CABLES1: variants seen among roughly 807,000 people sequenced by gnomAD.
CABLES1 encodes CDK5 and ABL1 enzyme substrate 1.
Under a neutral mutation model 57.8 loss-of-function variants are expected in CABLES1, and 36 were observed. That is an observed-to-expected ratio of 0.62 (90% CI 0.48 to 0.82). CABLES1 has a LOEUF of 0.82. Among genes scored for constraint, CABLES1 ranks in the 40% least tolerant of loss-of-function variants. CABLES1 has a pLI of 0.00. For missense variants in CABLES1, 767 were observed against 836.6 expected (o/e 0.92, Z 1.03); for synonymous variants, 374 against 363.0 (o/e 1.03, Z -0.35).
chr18:23,204,968 A>T (rs1169333117), intron 3 of CABLES1, among the ~76,000 whole-genome samples: 1 of 152,210 alleles, frequency 6.6e-6, no homozygotes, highest in African/African-American at 2.4e-5. Flanking sequence ...GCCAAACCCT[A>T]TCGGCAGTTC....
At chr18:23,147,520 T>C (rs567243125) in intron 1 of CABLES1, among the ~76,000 whole-genome samples, 1 of 152,264 alleles carries the variant, frequency 6.6e-6, no homozygotes, top group South Asian at 2.1e-4. Context: ...CACCTTACAC[T>C]GTCCAAGAAG....
chr18:23,240,112 T>C (rs1598853224), intron 7 of CABLES1, among the ~76,000 whole-genome samples: 1 of 152,136 alleles, frequency 6.6e-6, no homozygotes, highest in Non-Finnish European at 1.5e-5. Context: ...AGCAAGACCC[T>C]GTCTCAACAA....
At chr18:23,174,309 A>C (rs145228088) in intron 1 of CABLES1, among the ~76,000 whole-genome samples, 1 of 152,184 alleles carries the variant, frequency 6.6e-6, no homozygotes, top group Non-Finnish European at 1.5e-5. Flanking sequence ...TGGCAGAATA[A>C]TACTGCATTT....
At chr18:23,220,042 G>A (rs186240136) in intron 4 of CABLES1, among the ~76,000 whole-genome samples, 12 of 152,180 alleles carry the variant, frequency 7.9e-5, no homozygotes, top group South Asian at 6.2e-4. Context: ...GTTTGGGGTC[G>A]TTTTGCATGC....
chr18:23,211,759 C>T (rs2047406629), intron 3 of CABLES1, among the ~76,000 whole-genome samples: 2 of 152,258 alleles, frequency 1.3e-5, no homozygotes, highest in African/African-American at 4.8e-5. Flanking sequence ...CGTGCCTCAT[C>T]AGTTAAAGCA....
At chr18:23,232,403 G>A (rs553543587) in intron 4 of CABLES1, among the ~76,000 whole-genome samples, 1 of 152,358 alleles carries the variant, frequency 6.6e-6, no homozygotes, top group East Asian at 1.9e-4. Context: ...TTTTTGTCCT[G>A]CTCTGCATGT....
Position 23,235,905 on chromosome 18 carries a change from A to G in CABLES1, c.1196A>G (p.Tyr399Cys). The G allele has an allele frequency of 6.2e-7, 1 of 1,614,186 alleles. No individual in the cohort carries two copies. The highest frequency in any genetic ancestry group is 8.5e-7 in the Non-Finnish European group (1 of 1,180,006). Residue 399 changes from tyrosine (Y) to cysteine (C), a missense_variant, in exon 6 of 10, where the codon TAT becomes TGT. Transcript: ENST00000256925. Reference sequence around the variant, plus strand: ...GTCTTCACCTTTTAGACTGTTTCCTATACCCAATTTCTGTTACCCACAAAT... The same window carrying G: ...GTCTTCACCTTTTAGACTGTTTCCTGTACCCAATTTCTGTTACCCACAAAT... Reference protein sequence around the residue: ...ELGADGKTVSYTQFLLPTNAF... With the variant: ...ELGADGKTVSCTQFLLPTNAF...
At position 23,255,242 on chromosome 18, in the gene CABLES1, C is replaced by T. The variant is rs142019082; in HGVS notation, c.1761+1306C>T. On this transcript the variant is annotated intron_variant, in intron 9 of 9. Coordinates refer to ENST00000256925, the MANE Select transcript of CABLES1 (RefSeq NM_001100619.3). ...TTTGGCTAACCCTGGGAAGGGCAGTCCCTCTAGAGTCAGCAAGGCCCCAGA... is the reference window on the plus strand; with the variant it reads ...TTTGGCTAACCCTGGGAAGGGCAGTTCCTCTAGAGTCAGCAAGGCCCCAGA... Among the ~76,000 whole-genome samples, 530 of 152,122 alleles carry T rather than the reference C, an allele frequency of 3.5e-3. 4 individuals are homozygous for T. Among genetic ancestry groups the T allele is most frequent in the African/African-American group, 0.012 (504 of 41,478 alleles).
intron 4 of CABLES1, among the ~76,000 whole-genome samples, chr18:23,217,244 G>C (rs1453052005): frequency 6.6e-6 from 1 of 151,980 alleles, no homozygotes; most frequent in African/African-American, 2.4e-5. Context: ...ACCACACCCA[G>C]CTAATTTTTA....
chr18:23,252,406 AAG>A (rs2048060752), intron 7 of CABLES1, among the ~76,000 whole-genome samples: 1 of 152,204 alleles, frequency 6.6e-6, no homozygotes, highest in Admixed American at 6.5e-5. Flanking sequence ...AAAAAACTAA[AAG>A]AACATTAGCT....
Position 23,215,966 on chromosome 18 carries a change from G to C in CABLES1, c.1088+1912G>C, listed in dbSNP as rs189702311. Reference sequence around the variant, plus strand: ...AGACGGGGTTTCACCATGTTAGCCAGGATGGTCTTGATCTCCTGACCTCGT... The same window carrying C: ...AGACGGGGTTTCACCATGTTAGCCACGATGGTCTTGATCTCCTGACCTCGT... On this transcript the variant is annotated intron_variant, in intron 4 of 9. Transcript: ENST00000256925. Among the ~76,000 whole-genome samples, 405 of 152,234 alleles carry C rather than the reference G, an allele frequency of 2.7e-3. 1 individual carries two copies. Among genetic ancestry groups the C allele is most frequent in the African/African-American group, 9.5e-3 (393 of 41,550 alleles).
chr18:23,184,311 G>T (rs879384427), intron 1 of CABLES1, among the ~76,000 whole-genome samples: 1 of 123,780 alleles, frequency 8.1e-6, no homozygotes, highest in African/African-American at 3.3e-5. Context: ...ACTGGCACGT[G>T]TGTGTGTGTG....
intron 7 of CABLES1, among the ~76,000 whole-genome samples, chr18:23,251,150 T>C (rs952864022): frequency 6.6e-5 from 10 of 152,182 alleles, no homozygotes; most frequent in Non-Finnish European, 1.2e-4. Flanking sequence ...GAGCTTTGAC[T>C]GATTAAGATT....
At chr18:23,237,311 G>T in intron 7 of CABLES1, 66 bp downstream of exon 7, 1 of 1,079,580 alleles carries the variant, frequency 9.3e-7, no homozygotes, top group Non-Finnish European at 1.4e-6. Context: ...GTTGGTGGCC[G>T]GCTGGGGGCT....
chr18:23,186,656 A>C (rs577359037), intron 1 of CABLES1, among the ~76,000 whole-genome samples: 193 of 152,246 alleles, frequency 1.3e-3, no homozygotes, highest in Middle Eastern at 6.8e-3. Flanking sequence ...TCCTGATCTC[A>C]GGTGATCCAC....
Position 23,252,950 on chromosome 18 carries a change from T to C in CABLES1, c.1447-10T>C. On this transcript the variant is annotated splice_polypyrimidine_tract_variant and intron_variant, in intron 7 of 9. Coordinates refer to ENST00000256925, the MANE Select transcript of CABLES1 (RefSeq NM_001100619.3). ...TTAAGGAGTGATCCGTGTTCCCCTG[T>C]CTGTTACAGACAACAGTGATTGACT... is the stretch of plus-strand genomic sequence containing the variant. The C allele has an allele frequency of 1.3e-6, 2 of 1,576,572 alleles. No individual in the cohort carries two copies. Among genetic ancestry groups the C allele is most frequent in the Admixed American group, 1.7e-5 (1 of 59,926 alleles).
In CABLES1 at chr18:23,219,241, C is replaced by T. The variant is rs188766685; in HGVS notation, c.1088+5187C>T. ...TGTGGAGCCTACTCTCCGTGCCATCCCTCTGGTCCTCTGTCTGAGTAGGAG... is the reference window on the plus strand; with the variant it reads ...TGTGGAGCCTACTCTCCGTGCCATCTCTCTGGTCCTCTGTCTGAGTAGGAG... On this transcript the variant is annotated intron_variant, in intron 4 of 9. Transcript: ENST00000256925. The T allele has an allele frequency of 6.2e-5, 28 of 454,100 alleles. 1 individual carries two copies. In the East Asian group the frequency reaches 7.6e-4, roughly 12 times the overall value. 28.1% of individuals were successfully genotyped at this position (454,100 alleles called of 1,614,324 possible).
intron 1 of CABLES1, among the ~76,000 whole-genome samples, chr18:23,153,782 A>G (rs568323610): frequency 6.6e-6 from 1 of 151,940 alleles, no homozygotes; most frequent in Non-Finnish European, 1.5e-5. Context: ...TGTAGTCCCA[A>G]CACTTTGAGA....
intron 3 of CABLES1, among the ~76,000 whole-genome samples, chr18:23,210,167 TC>T (rs2047394833): frequency 6.7e-6 from 1 of 148,518 alleles, no homozygotes; most frequent in Non-Finnish European, 1.5e-5. Flanking sequence ...CTATTTTTTT[TC>T]CTCTGGCCGA....
Sources: allele counts gnomAD v4.1 joint callset (sites outside exome capture counted in the v4.1 genomes callset), GRCh38; gene constraint gnomAD v4.1.1; transcripts MANE v1.5; gene names NCBI Gene and HGNC (gene_info 2026-07-23, HGNC 2026-07-21).